MAP4K1: variants seen among roughly 807,000 people sequenced by gnomAD.
The protein encoded by MAP4K1 is mitogen-activated protein kinase kinase kinase kinase 1.
In MAP4K1, 35 loss-of-function variants were observed where a neutral mutation model predicts 122.8. That is an observed-to-expected ratio of 0.29 (90% CI 0.22 to 0.38). MAP4K1 has a LOEUF of 0.38. MAP4K1 is among the 10% of genes least tolerant of loss of function. The pLI is 1.00. For synonymous variants in MAP4K1, 412 were observed against 421.3 expected, an observed-to-expected ratio of 0.98 and a Z score of 0.27; for missense variants, 791 against 1,072.6, an observed-to-expected ratio of 0.74 and a Z score of 3.67.
chr19:38,597,460 T>G lies in MAP4K1; in HGVS notation c.1778+26A>C. The G allele has an allele frequency of 1.2e-6, 2 of 1,613,318 alleles. No individual in the cohort carries two copies. The highest frequency in any genetic ancestry group is 1.7e-6 in the Non-Finnish European group (2 of 1,179,280). On this transcript the variant is annotated intron_variant, in intron 23 of 30. Transcript: ENST00000396857. This position sits in a 1 kb window ranked among gnomAD's most constrained non-coding sequence, Gnocchi z 4.6. ...GCATGGGAGGAATTATAAGGCTGTG[T>G]GGTGCCATTCATTGGGAGCTGGTAC...
At chr19:38,599,461 AG>A (rs1974997138) in intron 22 of MAP4K1, among the ~76,000 whole-genome samples, 2 of 150,960 alleles carry the variant, frequency 1.3e-5, no homozygotes, top group African/African-American at 4.9e-5. Flanking sequence ...CAGGAGTTTG[AG>A]ACCAGCCTGG....
intron 16 of MAP4K1, 69 bp downstream of exon 16, chr19:38,607,795 C>A: frequency 1.9e-6 from 3 of 1,542,966 alleles, no homozygotes; most frequent in Non-Finnish European, 1.8e-6. Flanking sequence ...GGAAAGGCCA[C>A]ATCAGGGGAT....
At chr19:38,601,598 C>G in intron 19 of MAP4K1, 73 bp from the exon 20 acceptor site, 4 of 1,170,282 alleles carry the variant, frequency 3.4e-6, no homozygotes, top group Non-Finnish European at 4.9e-6. Flanking sequence ...GCAGTGGTTA[C>G]GACTTTGGAG....
chr19:38,596,232 G>A, intron 26 of MAP4K1, 80 bp downstream of exon 26: 1 of 1,467,962 alleles, frequency 6.8e-7, no homozygotes, highest in Non-Finnish European at 9.0e-7. Flanking sequence ...TAGTGCCTCA[G>A]GCTAAGCGAA....
chr19:38,601,836 G>A, intron 19 of MAP4K1: 1 of 356,686 alleles, frequency 2.8e-6, no homozygotes, highest in Non-Finnish European at 5.1e-6. Flanking sequence ...GGAATGCAAT[G>A]ACATGATCTC....
chr19:38,593,205 C>CT, intron 30 of MAP4K1, 77 bp downstream of exon 30: 2 of 1,398,950 alleles, frequency 1.4e-6, no homozygotes, highest in South Asian at 2.5e-5. Context: ...AGATACCTTG[C>CT]TGGGGACACC....
chr19:38,591,197 A>C (rs1282316746), intron 30 of MAP4K1, among the ~76,000 whole-genome samples: 2 of 150,584 alleles, frequency 1.3e-5, no homozygotes, highest in Admixed American at 1.3e-4. Context: ...TCTCAAGAAA[A>C]GAAAAAAAAA....
intron 19 of MAP4K1, among the ~76,000 whole-genome samples, chr19:38,603,259 C>G (rs1181304767): frequency 6.7e-6 from 1 of 148,500 alleles, no homozygotes; most frequent in African/African-American, 2.5e-5. Context: ...TACATATATA[C>G]GCATATACAT....
At chr19:38,606,014 G>A (rs1056596523) in intron 17 of MAP4K1, among the ~76,000 whole-genome samples, 159 bp downstream of exon 17, 1 of 152,234 alleles carries the variant, frequency 6.6e-6, no homozygotes, top group Non-Finnish European at 1.5e-5. Context: ...CCGACCCTGA[G>A]GTTGAGGGAT....
rs772597673 is a variant in MAP4K1 at position 38,595,320 on chromosome 19, AAAT to A, written c.2340+162_2340+164del. ...AATAAATAAATAAAAATAAAATAAA[AAAT>A]AAATCCTGGGGCAAAGAAGGGGATC... On this transcript the variant is annotated intron_variant, in intron 29 of 30. Coordinates refer to ENST00000396857, the MANE Select transcript of MAP4K1 (RefSeq NM_001042600.3). Among the ~76,000 whole-genome samples the A allele has an allele frequency of 1.2e-4, 19 of 152,258 alleles. No homozygotes were observed. The East Asian group carries it at 2.1e-3, about 17-fold the overall frequency.
At chr19:38,590,171 A>T (rs574981444) in intron 30 of MAP4K1, among the ~76,000 whole-genome samples, 17 of 151,802 alleles carry the variant, frequency 1.1e-4, no homozygotes, top group African/African-American at 4.1e-4. Context: ...ATGCACTGAG[A>T]AAGACATCTT....
chr19:38,603,429 T>TAC lies in MAP4K1; in HGVS notation c.1447-1906_1447-1905dup, dbSNP rs552582778. Among the ~76,000 whole-genome samples, 570 of 151,452 alleles carry TAC rather than the reference T, an allele frequency of 3.8e-3. 4 individuals are homozygous for TAC. Among genetic ancestry groups the TAC allele is most frequent in the African/African-American group, 0.013 (523 of 41,090 alleles). On this transcript the variant is annotated intron_variant, in intron 19 of 30. Transcript: ENST00000396857. ...ACATATATATACACGTATACATATA[T>TAC]ACACACATATACATGTATATGTGTG... is the stretch of plus-strand genomic sequence containing the variant.
chr19:38,599,791 C>G (rs1975005761), intron 22 of MAP4K1, 134 bp downstream of exon 22: 2 of 832,656 alleles, frequency 2.4e-6, no homozygotes, highest in Admixed American at 3.9e-5. Context: ...CAAAAAGTGT[C>G]TGGGATTTGA....
At chr19:38,614,515 C>T (rs1012667372) in intron 4 of MAP4K1, 70 bp from the exon 5 acceptor site, 2 of 1,544,754 alleles carry the variant, frequency 1.3e-6, no homozygotes, top group South Asian at 1.1e-5. Context: ...GGAGTCCTGC[C>T]CCCCCACACC....
chr19:38,597,517 C>T lies in MAP4K1; in HGVS notation c.1747G>A (p.Ala583Thr), dbSNP rs750447520. 1.9e-6 allele frequency: 3 copies of T among 1,613,884 alleles called. No homozygotes were observed. The highest frequency in any genetic ancestry group is 2.5e-6 in the Non-Finnish European group (3 of 1,179,962). ...AGTAGGCGGTGGGGGCTAATGTGAG[C>T]GATGGGGTTTCCTGCTCTGGTCTCT... ...RKETRAGNPI[A>T]HISPHRLLAR... The change falls in exon 23 of 31, where the codon GCT (alanine) becomes ACT (threonine). Residue 583 changes from alanine (A) to threonine (T), a missense_variant. Physicochemically the swap from Ala to Thr is moderately conservative, Grantham distance 58. Transcript: ENST00000396857. The surrounding 1 kb of genome is among the most constrained non-coding windows in gnomAD (Gnocchi z 4.6).
intron 19 of MAP4K1, among the ~76,000 whole-genome samples, chr19:38,602,495 TAC>T (rs1975101196): frequency 6.6e-6 from 1 of 150,462 alleles, no homozygotes; most frequent in African/African-American, 2.4e-5. Flanking sequence ...TATACATATA[TAC>T]ATATATACAC....
chr19:38,609,970 T>G lies in MAP4K1; in HGVS notation c.866A>C (p.Asp289Ala), dbSNP rs1975446841. 1 of 1,614,052 alleles carries G rather than the reference T, an allele frequency of 6.2e-7. No individual in the cohort carries two copies. The highest frequency in any genetic ancestry group is 1.3e-5 in the African/African-American group (1 of 74,930). ...TCCTTTCCCGGGATTCTTCAGTTTGTCAAGAAGATCCAGGATCAGGCCTCG... is the reference window on the plus strand; with the variant it reads ...TCCTTTCCCGGGATTCTTCAGTTTGGCAAGAAGATCCAGGATCAGGCCTCG... ...LNRGLILDLLDKLKNPGKGPS... is the reference protein window; with the variant it reads ...LNRGLILDLLAKLKNPGKGPS... Residue 289 changes from aspartate (D) to alanine (A), a missense_variant, in exon 12 of 31, where the codon GAC (aspartate) becomes GCC (alanine). Physicochemically the swap from Asp to Ala is moderately radical, Grantham distance 126. This residue lies in a region of MAP4K1 where 303 missense variants were observed against 344.8 expected (regional missense o/e 0.88). Transcript: ENST00000396857.
rs200089303 is a variant in MAP4K1 at position 38,595,465 on chromosome 19, G to A, written c.2340+20C>T. 6.1e-5 allele frequency: 98 copies of A among 1,613,704 alleles called. No individual in the cohort carries two copies. The highest frequency in any genetic ancestry group is 7.8e-5 in the Non-Finnish European group (92 of 1,179,780). The stretch of plus-strand genomic sequence containing the variant: ...GGAGGCTGGGGGGCAGTGATGTGGA[G>A]TTTGGATGGAGGGGCTTACCTGATC... On this transcript the variant is annotated intron_variant, in intron 29 of 30. Transcript: ENST00000396857.
chr19:38,600,305 A>C, intron 20 of MAP4K1, 152 bp from the exon 21 acceptor site: 1 of 668,936 alleles, frequency 1.5e-6, no homozygotes, highest in Non-Finnish European at 2.6e-6. Context: ...GTTTCCCCAA[A>C]CAAAGCCAGA....
Sources: allele counts gnomAD v4.1 joint callset (sites outside exome capture counted in the v4.1 genomes callset), GRCh38; gene constraint gnomAD v4.1.1; regional missense constraint gnomAD v4.1.1; non-coding constraint Gnocchi (gnomAD v3.1); transcripts MANE v1.5; gene names NCBI Gene and HGNC (gene_info 2026-07-23, HGNC 2026-07-21).